The following JADE3 variants were observed in gnomAD, a reference collection of about 807,000 sequenced individuals.
JADE3 encodes the protein protein Jade-3.
In JADE3, 2 loss-of-function variants were observed where a neutral mutation model predicts 50.1. The ratio of observed to expected loss-of-function variants is 0.04; its 90% CI spans 0.02 to 0.13. The LOEUF is 0.13. JADE3 is among the 10% of genes least tolerant of loss of function. The probability of loss-of-function intolerance (pLI) is 1.00; values close to 1 mark genes in which losing one functional copy is unlikely to be tolerated. For missense variants in JADE3, 475 were observed against 634.4 expected (o/e 0.75, Z 2.70); for synonymous variants, 218 against 232.9 (o/e 0.94, Z 0.58).
chrX:46,935,719 A>G (rs782125650), intron 1 of JADE3, among the ~76,000 whole-genome samples: 28 of 110,478 alleles, frequency 2.5e-4, no homozygotes, highest in Non-Finnish European at 4.3e-4. Flanking sequence ...GGTGCCAAAA[A>G]GGTTGGGGAC....
chrX:46,966,462 G>A (rs1927370709), intron 1 of JADE3, among the ~76,000 whole-genome samples: 1 of 110,939 alleles, frequency 9.0e-6, no homozygotes, highest in Admixed American at 9.7e-5. Flanking sequence ...GGGCACTTCA[G>A]GGAACCACCA....
chrX:47,002,697 AG>A (rs1928314625), intron 4 of JADE3, among the ~76,000 whole-genome samples: 3 of 107,609 alleles, frequency 2.8e-5, no homozygotes, highest in Admixed American at 1.0e-4. Context: ...AAAAAAAAAA[AG>A]AGGTTCCTTA....
In JADE3 at chrX:46,971,756, A is replaced by G. The variant is rs1482827877; in HGVS notation, c.-11-13128A>G. Among the ~76,000 whole-genome samples the G allele has an allele frequency of 6.5e-5, 7 of 107,080 alleles. 1 individual carries two copies. The highest frequency in any genetic ancestry group is 4.0e-4 in the Admixed American group (4 of 10,026). The allele number at this position is 107,080 out of a possible 115,157, so 93.0% of individuals were successfully genotyped here. Reference sequence around the variant, plus strand: ...GCTTGCAGTGAGCTGAGATTGCGCTACTGCACTCCAGCCTGGGCGACAGAG... The same window carrying G: ...GCTTGCAGTGAGCTGAGATTGCGCTGCTGCACTCCAGCCTGGGCGACAGAG... On this transcript the variant is annotated intron_variant, in intron 1 of 10. Transcript: ENST00000614628.
At chrX:47,056,313 T>C in intron 10 of JADE3, 114 bp downstream of exon 10, 1 of 448,581 alleles carries the variant, frequency 2.2e-6, no homozygotes, top group South Asian at 4.1e-5. Flanking sequence ...AAAATTCTTG[T>C]CAGATATCTC....
intron 8 of JADE3, among the ~76,000 whole-genome samples, chrX:47,046,749 A>T (rs1010726522): frequency 8.9e-6 from 1 of 112,410 alleles, no homozygotes; most frequent in African/African-American, 3.2e-5. Flanking sequence ...TTTCAGCATC[A>T]GTTGAAACGA....
chrX:46,942,683 C>CT (rs1926790135), intron 1 of JADE3, among the ~76,000 whole-genome samples: 2 of 111,480 alleles, frequency 1.8e-5, no homozygotes, highest in Admixed American at 1.9e-4. Flanking sequence ...TATTTAGGCT[C>CT]TTTTTTGTTG....
chrX:47,011,994 G>A (rs1265827397), intron 4 of JADE3, among the ~76,000 whole-genome samples: 1 of 111,608 alleles, frequency 9.0e-6, no homozygotes. Flanking sequence ...GTCCTTGGCT[G>A]CTGAAAATCT....
At chrX:46,919,365 G>A (rs1054143582) in intron 1 of JADE3, among the ~76,000 whole-genome samples, 7 of 112,442 alleles carry the variant, frequency 6.2e-5, no homozygotes, top group Non-Finnish European at 9.4e-5. Context: ...CTTAAGAGAT[G>A]AAAGAAACAT....
chrX:47,008,917 A>G (rs958327354), intron 4 of JADE3, among the ~76,000 whole-genome samples: 1 of 111,492 alleles, frequency 9.0e-6, no homozygotes, highest in African/African-American at 3.3e-5. Flanking sequence ...TACCCAAATC[A>G]TGTATATGAT....
chrX:46,999,275 C>T (rs1928213257), intron 4 of JADE3, among the ~76,000 whole-genome samples: 1 of 108,395 alleles, frequency 9.2e-6, no homozygotes, highest in African/African-American at 3.4e-5. Flanking sequence ...GAGCACTCCA[C>T]CCTCAATACC....
At chrX:46,912,826 GCA>G (rs1321310383) in intron 1 of JADE3, 107 bp downstream of exon 1, 15 of 112,103 alleles carry the variant, frequency 1.3e-4, no homozygotes, top group African/African-American at 4.8e-4. Flanking sequence ...GGCGCGGAGC[GCA>G]CAGTCCCGGC....
At chrX:46,958,222 CTG>C (rs1927177048) in intron 1 of JADE3, among the ~76,000 whole-genome samples, 1 of 112,239 alleles carries the variant, frequency 8.9e-6, no homozygotes, top group Non-Finnish European at 1.9e-5. Flanking sequence ...CATCACTAAA[CTG>C]TGGTGTTTAC....
intron 3 of JADE3, among the ~76,000 whole-genome samples, chrX:46,987,893 C>G (rs1556355009): frequency 8.9e-6 from 1 of 112,004 alleles, no homozygotes; most frequent in Non-Finnish European, 1.9e-5. Context: ...ATTTAATATT[C>G]TGTTATAAAA....
At chrX:46,917,890 T>C in intron 1 of JADE3, among the ~76,000 whole-genome samples, 1 of 100,606 alleles carries the variant, frequency 9.9e-6, no homozygotes. Context: ...TCTCTCATCC[T>C]CTCTCTCTCT....
At chrX:46,934,958 G>A (rs1926582843) in intron 1 of JADE3, among the ~76,000 whole-genome samples, 2 of 111,284 alleles carry the variant, frequency 1.8e-5, no homozygotes. Flanking sequence ...TTTATTCTCA[G>A]TCTCACTCTG....
intron 1 of JADE3, among the ~76,000 whole-genome samples, chrX:46,961,441 T>C (rs1927256601): frequency 8.9e-6 from 1 of 112,414 alleles, no homozygotes; most frequent in Non-Finnish European, 1.9e-5. Flanking sequence ...TTTTTACCAG[T>C]CTCCTGTGAA....
At chrX:47,018,248 C>G (rs1436310340) in intron 4 of JADE3, among the ~76,000 whole-genome samples, 1 of 111,299 alleles carries the variant, frequency 9.0e-6, no homozygotes, top group African/African-American at 3.3e-5. Context: ...TCCCACACCT[C>G]CTTTTTCATC....
At chrX:47,049,314 G>T (rs1034587619) in intron 8 of JADE3, among the ~76,000 whole-genome samples, 18 of 106,000 alleles carry the variant, frequency 1.7e-4, no homozygotes, top group African/African-American at 4.2e-4. Flanking sequence ...AGCCTCCTGA[G>T]TAGCTGGGAT....
intron 3 of JADE3, among the ~76,000 whole-genome samples, chrX:46,994,611 G>C (rs1161687393): frequency 8.9e-6 from 1 of 111,755 alleles, no homozygotes; most frequent in East Asian, 2.8e-4. Flanking sequence ...TGGAACGTTA[G>C]TTAAAGTTCT....
Sources: gnomAD v4.1 joint callset for allele counts (sites outside exome capture counted in the v4.1 genomes callset) on GRCh38, gnomAD v4.1.1 for gene constraint, MANE v1.5 for transcripts, NCBI Gene and HGNC (gene_info 2026-07-23, HGNC 2026-07-21) for gene names.